The following MUCL3 variants were observed in gnomAD, a reference collection of about 807,000 sequenced individuals.
The protein encoded by MUCL3 is mucin like 3.
MUCL3 carries 42 observed loss-of-function variants against 70.2 expected under a neutral mutation model. The ratio of observed to expected loss-of-function variants is 0.60; its 90% CI spans 0.47 to 0.77. The LOEUF (loss-of-function observed/expected upper bound fraction) is 0.77, where lower values mean the gene tolerates loss of function less well. Ranked by LOEUF, MUCL3 falls within the 30% of genes least tolerant of loss-of-function variation. MUCL3 has a pLI of 0.00. For synonymous variants in MUCL3, 522 were observed against 647.0 expected, an observed-to-expected ratio of 0.81 and a Z score of 2.93; for missense variants, 1,429 against 1,670.0, an observed-to-expected ratio of 0.86 and a Z score of 2.52.
rs1035570921 is a variant in MUCL3 at position 30,953,241 on chromosome 6, A to G, written c.*124A>G. ...GCAGAGAATACTGACGGTTACCAGT[A>G]TTAACCCTTCATCTGTTCTTGAAAC... On this transcript the variant is annotated 3_prime_UTR_variant, in exon 3 of 3. Coordinates refer to ENST00000462446, the MANE Select transcript of MUCL3 (RefSeq NM_080870.4). The G allele has an allele frequency of 4.3e-6, 6 of 1,388,708 alleles. No individual in the cohort carries two copies. Among genetic ancestry groups the G allele is most frequent in the Non-Finnish European group, 5.7e-6 (6 of 1,046,162 alleles). 86.0% of individuals were successfully genotyped at this position (1,388,708 alleles called of 1,614,324 possible).
Position 30,951,022 on chromosome 6 carries a change from C to T in MUCL3, c.2558C>T (p.Thr853Ile), listed in dbSNP as rs1417824925. 1.8e-5 allele frequency: 28 copies of T among 1,551,368 alleles called. No homozygotes were observed. Among genetic ancestry groups the T allele is most frequent in the Non-Finnish European group, 2.4e-5 (27 of 1,146,988 alleles). Reference protein sequence around the residue: ...ENRESTANEKTTPFPAEPTEN... With the variant: ...ENRESTANEKITPFPAEPTEN... ...AGAGAAAGCACAGCCAATGAGAAGA[C>T]CACACCATTCCCAGCAGAGCCTACA... Residue 853 changes from threonine to isoleucine, a missense_variant, in exon 2 of 3, where the codon ACC (threonine) becomes ATC (isoleucine). Transcript: ENST00000462446.
At position 30,952,061 on chromosome 6, in the gene MUCL3, G is replaced by A. The variant is rs756660767; in HGVS notation, c.3597G>A (p.Gly1199=). 2 of 1,609,282 alleles carry A rather than the reference G, an allele frequency of 1.2e-6. No individual in the cohort carries two copies. The highest frequency in any genetic ancestry group is 1.1e-5 in the South Asian group (1 of 90,548). The change falls in exon 2 of 3, where the codon GGG becomes GGA. Residue 1199 remains glycine (G), a synonymous_variant. Coordinates refer to ENST00000462446, the MANE Select transcript of MUCL3 (RefSeq NM_080870.4). ...LYSEKTICTK[G]KNTPVPEKPT... ...CAGAGAAGACCATATGCACCAAAGG[G>A]AAAAACACACCAGTCCCAGAAAAGC...
In MUCL3 at chr6:30,950,309, C is replaced by T. The variant is rs748056661; in HGVS notation, c.1845C>T (p.Thr615=). The T allele has an allele frequency of 3.2e-6, 5 of 1,549,542 alleles. 1 individual carries two copies. The highest frequency in any genetic ancestry group is 2.8e-5 in the African/African-American group (2 of 72,152). ...GGACTCCACTGGCCAATGAGAACAC[C>T]ACACCATCCCCGGCAGAGCCTACAG... ...EERTPLANEN[T]TPSPAEPTEN... The change falls in exon 2 of 3, where the codon ACC becomes ACT. Residue 615 remains threonine (T), a synonymous_variant. Transcript: ENST00000462446.
chr6:30,953,239 G>A lies in MUCL3; in HGVS notation c.*122G>A. On this transcript the variant is annotated 3_prime_UTR_variant, in exon 3 of 3. Transcript: ENST00000462446. ...GGGCAGAGAATACTGACGGTTACCA[G>A]TATTAACCCTTCATCTGTTCTTGAA... The A allele has an allele frequency of 3.6e-6, 5 of 1,394,276 alleles. No individual in the cohort carries two copies. The highest frequency in any genetic ancestry group is 4.8e-6 in the Non-Finnish European group (5 of 1,050,666). The allele number at this position is 1,394,276 out of a possible 1,614,324, so 86.4% of individuals were successfully genotyped here.
rs934120997 is a variant in MUCL3 at position 30,952,133 on chromosome 6, A to G, written c.3669A>G (p.Lys1223=). ...GNTTLTTETI[K]APVKSTENPE... ...CCACACTGACCACTGAGACCATAAA[A>G]GCCCCAGTAAAGTCCACAGAAAACC... The change falls in exon 2 of 3, where the codon AAA becomes AAG. Residue 1223 remains lysine, a synonymous_variant. Transcript: ENST00000462446. 4.3e-6 allele frequency: 7 copies of G among 1,613,046 alleles called. No homozygotes were observed. The highest frequency in any genetic ancestry group is 5.9e-6 in the Non-Finnish European group (7 of 1,179,782).
chr6:30,951,434 C>T lies in MUCL3; in HGVS notation c.2970C>T (p.Ala990=), dbSNP rs527263215. The change falls in exon 2 of 3, where the codon GCC becomes GCT. Residue 990 remains alanine, a synonymous_variant. Coordinates refer to ENST00000462446, the MANE Select transcript of MUCL3 (RefSeq NM_080870.4). ...PTENGERTPL[A]NENTTTSPTE... is the part of the protein sequence containing the mutation. ...AAAATGGAGAAAGGACCCCACTGGC[C>T]AATGAGAACACCACAACATCCCCAA... 4 of 1,550,336 alleles carry T rather than the reference C, an allele frequency of 2.6e-6. No individual in the cohort carries two copies. Among genetic ancestry groups the T allele is most frequent in the Admixed American group, 3.9e-5 (2 of 50,762 alleles).
At chr6:30,942,827 G>A (rs1395824932) in intron 1 of MUCL3, among the ~76,000 whole-genome samples, 1 of 152,170 alleles carries the variant, frequency 6.6e-6, no homozygotes, top group African/African-American at 2.4e-5. Context: ...TTGCTTCAGG[G>A]CGGAGATCTG....
intron 1 of MUCL3, among the ~76,000 whole-genome samples, chr6:30,947,706 A>G (rs1373664201): frequency 6.6e-6 from 1 of 150,782 alleles, no homozygotes; most frequent in Non-Finnish European, 1.5e-5. Context: ...CCCCAAGCAG[A>G]TATCTTTTCC....
intron 1 of MUCL3, among the ~76,000 whole-genome samples, chr6:30,943,486 C>T (rs1795664235): frequency 6.6e-6 from 1 of 151,666 alleles, no homozygotes; most frequent in Non-Finnish European, 1.5e-5. Context: ...ATTAAATCAT[C>T]ACAGGGAGGC....
In MUCL3 at chr6:30,951,467, T is replaced by C; in HGVS notation, c.3003T>C (p.Ser1001=). Residue 1001 remains serine (S), a synonymous_variant, in exon 2 of 3, where the codon TCT becomes TCC. Transcript: ENST00000462446. ...ACACCACAACATCCCCAACAGAGTC[T>C]ACAGAACATGGAGAAAGGACAGCCA... is the stretch of plus-strand genomic sequence containing the variant. The part of the protein sequence containing the change: ...NENTTTSPTE[S]TEHGERTANE... 1 of 1,546,180 alleles carries C rather than the reference T, an allele frequency of 6.5e-7. No homozygotes were observed. Among genetic ancestry groups the C allele is most frequent in the Non-Finnish European group, 8.7e-7 (1 of 1,146,120 alleles).
chr6:30,949,851 A>C lies in MUCL3; in HGVS notation c.1387A>C (p.Asn463His), dbSNP rs1318672356. 6.5e-7 allele frequency: 1 copy of C among 1,549,862 alleles called. No homozygotes were observed. Among genetic ancestry groups the C allele is most frequent in the Non-Finnish European group, 8.7e-7 (1 of 1,146,378 alleles). ...ACCATCCCCAGCAGGGCCTACAGAA[A>C]ACAGAGAAACGACAGCCAACGAGAA... ...TTPSPAGPTENRETTANEKTT... is the reference protein window; with the variant it reads ...TTPSPAGPTEHRETTANEKTT... The change falls in exon 2 of 3, where the codon AAC (asparagine) becomes CAC (histidine). Residue 463 changes from asparagine (N) to histidine (H), a missense_variant. Asn to His is a moderately conservative substitution (Grantham distance 68). Coordinates refer to ENST00000462446, the MANE Select transcript of MUCL3 (RefSeq NM_080870.4).
intron 1 of MUCL3, among the ~76,000 whole-genome samples, chr6:30,942,886 G>C (rs1407364445): frequency 6.6e-6 from 1 of 152,140 alleles, no homozygotes; most frequent in Non-Finnish European, 1.5e-5. Flanking sequence ...TCGGAGAGGA[G>C]ATAGGCGTGG....
In MUCL3 at chr6:30,951,578, A is replaced by G. The variant is rs1760696273; in HGVS notation, c.3114A>G (p.Pro1038=). The stretch of plus-strand genomic sequence containing the variant: ...CCAATGAGAAGACCATACCATCTCC[A>G]GCAAAGCCTACAGAACACGAAGAAA... The part of the protein sequence containing the change: ...PSANEKTIPS[P]AKPTEHEEMT... Residue 1038 remains proline (P), a synonymous_variant, in exon 2 of 3, where the codon CCA becomes CCG. Coordinates refer to ENST00000462446, the MANE Select transcript of MUCL3 (RefSeq NM_080870.4). The G allele has an allele frequency of 6.5e-7, 1 of 1,543,004 alleles. No homozygotes were observed. The highest frequency in any genetic ancestry group is 1.4e-5 in the African/African-American group (1 of 72,868).
rs977557561 is a variant in MUCL3 at position 30,953,346 on chromosome 6, A to G, written c.*229A>G. 4.0e-5 allele frequency: 25 copies of G among 627,858 alleles called. No homozygotes were observed. Among genetic ancestry groups the G allele is most frequent in the Non-Finnish European group, 5.7e-5 (21 of 367,530 alleles). The allele number at this position is 627,858 out of a possible 1,614,324, so 38.9% of individuals were successfully genotyped here. On this transcript the variant is annotated 3_prime_UTR_variant, in exon 3 of 3. Coordinates refer to ENST00000462446, the MANE Select transcript of MUCL3 (RefSeq NM_080870.4). ...GAAAGAATGAATAATACGAGCAGACATTCTCTGTAGAAGGTAATGGTCTGA... is the reference window on the plus strand; with the variant it reads ...GAAAGAATGAATAATACGAGCAGACGTTCTCTGTAGAAGGTAATGGTCTGA...
chr6:30,951,428 A>G lies in MUCL3; in HGVS notation c.2964A>G (p.Pro988=). 1 of 1,550,554 alleles carries G rather than the reference A, an allele frequency of 6.4e-7. No individual in the cohort carries two copies. Among genetic ancestry groups the G allele is most frequent in the Non-Finnish European group, 8.7e-7 (1 of 1,146,748 alleles). The change falls in exon 2 of 3, where the codon CCA becomes CCG. Residue 988 remains proline (P), a synonymous_variant. Transcript: ENST00000462446. ...AEPTENGERT[P]LANENTTTSP... ...CTACAGAAAATGGAGAAAGGACCCC[A>G]CTGGCCAATGAGAACACCACAACAT...
rs1404842429 is a variant in MUCL3 at position 30,949,634 on chromosome 6, G to C, written c.1170G>C (p.Glu390Asp). 1.3e-6 allele frequency: 2 copies of C among 1,536,372 alleles called. No individual in the cohort carries two copies. Among genetic ancestry groups the C allele is most frequent in the African/African-American group, 1.4e-5 (1 of 71,614 alleles). The change falls in exon 2 of 3, where the codon GAG becomes GAC. Residue 390 changes from glutamate (E) to aspartate (D), a missense_variant. By Grantham distance (45) the Glu-to-Asp change is conservative. Coordinates refer to ENST00000462446, the MANE Select transcript of MUCL3 (RefSeq NM_080870.4). The stretch of plus-strand genomic sequence containing the variant: ...AACATGGAGAAAGGACAGCCAATGA[G>C]AACACTACACCATCCCCAGCAGAGC... ...PTEHGERTAN[E>D]NTTPSPAEPT...
chr6:30,945,779 C>A (rs1021536219), intron 1 of MUCL3, among the ~76,000 whole-genome samples: 1 of 152,046 alleles, frequency 6.6e-6, no homozygotes, highest in African/African-American at 2.4e-5. Flanking sequence ...ACAGTGAAAC[C>A]CCATCTCTAC....
Position 30,951,258 on chromosome 6 carries a change from A to C in MUCL3, c.2794A>C (p.Asn932His). ...TEHGERTPLA[N>H]EITTPSRAEP... ...ACATGGAGAAAGGACCCCACTGGCC[A>C]ATGAGATCACCACACCATCCCGAGC... is the stretch of plus-strand genomic sequence containing the variant. The change falls in exon 2 of 3, where the codon AAT becomes CAT. Residue 932 changes from asparagine (N) to histidine (H), a missense_variant. Transcript: ENST00000462446. 1 of 1,551,704 alleles carries C rather than the reference A, an allele frequency of 6.4e-7. No individual in the cohort carries two copies. The highest frequency in any genetic ancestry group is 8.7e-7 in the Non-Finnish European group (1 of 1,146,940).
chr6:30,948,052 G>A (rs1432405190), intron 1 of MUCL3, among the ~76,000 whole-genome samples: 1 of 152,152 alleles, frequency 6.6e-6, no homozygotes, highest in East Asian at 1.9e-4. Context: ...CTATGCCATA[G>A]AAAGAAGACT....
Sources: gnomAD v4.1 joint callset for allele counts (sites outside exome capture counted in the v4.1 genomes callset) on GRCh38, gnomAD v4.1.1 for gene constraint, MANE v1.5 for transcripts, NCBI Gene and HGNC (gene_info 2026-07-23, HGNC 2026-07-21) for gene names.